DNMT3B: variants seen among roughly 807,000 people sequenced by gnomAD.
The protein encoded by DNMT3B is DNA (cytosine-5)-methyltransferase 3B.
DNMT3B carries 37 observed loss-of-function variants against 120.2 expected under a neutral mutation model. That is an observed-to-expected ratio of 0.31 (90% CI 0.24 to 0.40). The LOEUF (loss-of-function observed/expected upper bound fraction) is 0.40, where lower values mean the gene tolerates loss of function less well. Ranked by LOEUF, DNMT3B falls within the 10% of genes least tolerant of loss-of-function variation. The pLI is 1.00. For synonymous variants in DNMT3B, 412 were observed against 442.8 expected (o/e 0.93, Z 0.87); for missense variants, 878 against 1,137.3 (o/e 0.77, Z 3.28).
intron 3 of DNMT3B, among the ~76,000 whole-genome samples, chr20:32,781,862 C>T (rs1254425027): frequency 1.3e-5 from 2 of 152,134 alleles, no homozygotes; most frequent in South Asian, 2.1e-4. Flanking sequence ...CACTTGTAGC[C>T]GTCTCCGTGA....
At chr20:32,779,053 G>A (rs1388992431) in intron 1 of DNMT3B, among the ~76,000 whole-genome samples, 1 of 152,192 alleles carries the variant, frequency 6.6e-6, no homozygotes, top group East Asian at 1.9e-4. Context: ...GATGGAGCCC[G>A]AGGCAGGGAG....
chr20:32,804,766 A>G (rs1981778339), intron 20 of DNMT3B, among the ~76,000 whole-genome samples: 1 of 144,316 alleles, frequency 6.9e-6, no homozygotes, highest in African/African-American at 2.6e-5. Flanking sequence ...ATCATAACTC[A>G]CTGTAGCCTC....
chr20:32,788,972 T>C lies in DNMT3B; in HGVS notation c.773T>C (p.Met258Thr). The C allele has an allele frequency of 6.2e-7, 1 of 1,614,170 alleles. No homozygotes were observed. The highest frequency in any genetic ancestry group is 8.5e-7 in the Non-Finnish European group (1 of 1,180,032). Residue 258 changes from methionine to threonine, a missense_variant, in exon 7 of 23, where the codon ATG (methionine) becomes ACG (threonine). This residue lies in a region of DNMT3B where 50 missense variants were observed against 89.7 expected (regional missense o/e 0.56). Coordinates refer to ENST00000328111, the MANE Select transcript of DNMT3B (RefSeq NM_006892.4). ...ATSKRQAMSG[M>T]RWVQWFGDGK... ...TCCAAGCGACAGGCTATGTCTGGCA[T>C]GCGGTGGGTCCAGTGGTTTGGCGAT...
At position 32,795,545 on chromosome 20, in the gene DNMT3B, G is replaced by T; in HGVS notation, c.1252+11G>T. On this transcript the variant is annotated intron_variant, in intron 11 of 22. Transcript: ENST00000328111. Reference sequence around the variant, plus strand: ...AAGATCAGAGCCGAGGTGATTGTTGGGTACCTGGGATCATGGGACAGATGG... The same window carrying T: ...AAGATCAGAGCCGAGGTGATTGTTGTGTACCTGGGATCATGGGACAGATGG... 1 of 1,614,116 alleles carries T rather than the reference G, an allele frequency of 6.2e-7. No individual in the cohort carries two copies. The highest frequency in any genetic ancestry group is 8.5e-7 in the Non-Finnish European group (1 of 1,180,022).
At chr20:32,779,795 G>C in intron 1 of DNMT3B, 1 of 493,102 alleles carries the variant, frequency 2.0e-6, no homozygotes, top group Non-Finnish European at 3.6e-6. Context: ...GGAGAGGAGA[G>C]AAGCGGTTCT....
In DNMT3B at chr20:32,807,870, C is replaced by A. The variant is rs147402935; in HGVS notation, c.2529C>A (p.Phe843Leu). 1 of 1,614,242 alleles carries A rather than the reference C, an allele frequency of 6.2e-7. No individual in the cohort carries two copies. Among genetic ancestry groups the A allele is most frequent in the Middle Eastern group, 1.6e-4 (1 of 6,062 alleles). ...GCGTGCCTGTCATCCGACACCTCTT[C>A]GCCCCTCTGAAGGACTACTTTGCAT... ...SWSVPVIRHLFAPLKDYFACE is the reference protein window; with the variant it reads ...SWSVPVIRHLLAPLKDYFACE Residue 843 changes from phenylalanine (F) to leucine (L), a missense_variant, in exon 23 of 23, where the codon TTC (phenylalanine) becomes TTA (leucine). This residue lies in a region of DNMT3B where 334 missense variants were observed against 518.8 expected (regional missense o/e 0.64). Transcript: ENST00000328111.
chr20:32,807,726 T>A, intron 22 of DNMT3B, 36 bp from the exon 23 acceptor site: 1 of 1,613,174 alleles, frequency 6.2e-7, no homozygotes, highest in Non-Finnish European at 8.5e-7. Context: ...CTGGAGGCAC[T>A]TCTGACTTGC....
Position 32,795,676 on chromosome 20 carries a change from A to G in DNMT3B, c.1279A>G (p.Asn427Asp), listed in dbSNP as rs1264777380. The change falls in exon 12 of 23, where the codon AAC becomes GAC. Residue 427 changes from asparagine (N) to aspartate (D), a missense_variant. Physicochemically the swap from Asn to Asp is conservative, Grantham distance 23. Coordinates refer to ENST00000328111, the MANE Select transcript of DNMT3B (RefSeq NM_006892.4). ...REQMASDVANNKSSLEDGCLS... is the reference protein window; with the variant it reads ...REQMASDVANDKSSLEDGCLS... ...ACAAATGGCTTCAGATGTTGCCAAC[A>G]ACAAGAGCAGCCTGGAAGGTAACGT... 6.2e-7 allele frequency: 1 copy of G among 1,614,150 alleles called. No individual in the cohort carries two copies. Among genetic ancestry groups the G allele is most frequent in the Non-Finnish European group, 8.5e-7 (1 of 1,180,028 alleles).
In DNMT3B at chr20:32,798,278, G is replaced by A. The variant is rs76274468; in HGVS notation, c.1491-182G>A. On this transcript the variant is annotated intron_variant, in intron 14 of 22. Coordinates refer to ENST00000328111, the MANE Select transcript of DNMT3B (RefSeq NM_006892.4). ...AGCCTGTGGGATTAAGGGGGTTGGG[G>A]CATCCAAGGAAGACGTCAGGGAAGC... is the stretch of plus-strand genomic sequence containing the variant. Among the ~76,000 whole-genome samples, 1,499 of 152,320 alleles carry A rather than the reference G, an allele frequency of 9.8e-3. 27 individuals are homozygous for A. Among genetic ancestry groups the A allele is most frequent in the African/African-American group, 0.035 (1,446 of 41,572 alleles).
At chr20:32,778,205 G>A (rs547186356) in intron 1 of DNMT3B, among the ~76,000 whole-genome samples, 24 of 152,204 alleles carry the variant, frequency 1.6e-4, no homozygotes, top group Admixed American at 1.3e-4. Context: ...GCGTGGTGGC[G>A]CATGCCTGTA....
At chr20:32,778,660 C>T (rs984652331) in intron 1 of DNMT3B, among the ~76,000 whole-genome samples, 1 of 152,330 alleles carries the variant, frequency 6.6e-6, no homozygotes, top group Middle Eastern at 3.4e-3. Flanking sequence ...ATGCCAGTGG[C>T]GCCAGTGCAG....
intron 7 of DNMT3B, among the ~76,000 whole-genome samples, chr20:32,790,709 C>T (rs1406091839): frequency 6.6e-6 from 1 of 152,002 alleles, no homozygotes; most frequent in African/African-American, 2.4e-5. Flanking sequence ...TCCTCACTGT[C>T]ACCCAGGCTG....
Position 32,795,542 on chromosome 20 carries a change from T to C in DNMT3B, c.1252+8T>C, listed in dbSNP as rs1368913510. On this transcript the variant is annotated splice_region_variant and intron_variant, in intron 11 of 22. Coordinates refer to ENST00000328111, the MANE Select transcript of DNMT3B (RefSeq NM_006892.4). ...ATGAAGATCAGAGCCGAGGTGATTG[T>C]TGGGTACCTGGGATCATGGGACAGA... The C allele has an allele frequency of 3.1e-6, 5 of 1,614,034 alleles. No homozygotes were observed. Among genetic ancestry groups the C allele is most frequent in the African/African-American group, 2.7e-5 (2 of 74,920 alleles).
chr20:32,765,382 T>C (rs1987252383), intron 1 of DNMT3B, among the ~76,000 whole-genome samples: 1 of 151,844 alleles, frequency 6.6e-6, no homozygotes, highest in Non-Finnish European at 1.5e-5. Context: ...ATACAGGTAC[T>C]ATTACGTCTT....
rs1987042518 is a variant in DNMT3B at position 32,762,695 on chromosome 20, G to C, written c.-11G>C. ...CCAGCCGCGCCCCAGCCAGCCCTGC[G>C]GCAGGTGAGCGCCCCGGGGCCCCGG... On this transcript the variant is annotated 5_prime_UTR_variant, in exon 1 of 23. Transcript: ENST00000328111. The C allele has an allele frequency of 5.6e-6, 1 of 178,898 alleles. No individual in the cohort carries two copies. Among genetic ancestry groups the C allele is most frequent in the South Asian group, 1.3e-4 (1 of 7,914 alleles). 11.1% of individuals were successfully genotyped at this position (178,898 alleles called of 1,614,324 possible).
chr20:32,808,190 GC>G lies in DNMT3B; in HGVS notation c.*288del. 1 of 470,960 alleles carries G rather than the reference GC, an allele frequency of 2.1e-6. No homozygotes were observed. The allele number at this position is 470,960 out of a possible 1,614,324, so 29.2% of individuals were successfully genotyped here. ...AAAACTTGAAGTAGGTAGCAACGTG[GC>G]TTTTTTTTTTTCCCTTCCTGGGTCT... On this transcript the variant is annotated 3_prime_UTR_variant, in exon 23 of 23. Transcript: ENST00000328111.
chr20:32,789,879 A>G (rs979150226), intron 7 of DNMT3B, among the ~76,000 whole-genome samples: 1 of 152,224 alleles, frequency 6.6e-6, no homozygotes, highest in African/African-American at 2.4e-5. Context: ...GGCGGGAGCC[A>G]CCACGCCTGG....
intron 1 of DNMT3B, among the ~76,000 whole-genome samples, chr20:32,779,663 C>G (rs1379022320): frequency 6.6e-6 from 1 of 152,206 alleles, no homozygotes; most frequent in Non-Finnish European, 1.5e-5. Context: ...GTGCCTCCAT[C>G]CTTCCCTCCT....
chr20:32,793,715 C>T lies in DNMT3B; in HGVS notation c.1126+120C>T, dbSNP rs565457495. ...TTCTTGAAAAGTCAATCTGAACTCC[C>T]TCCCCACTCTCCCCTCACATCCCAC... is the stretch of plus-strand genomic sequence containing the variant. On this transcript the variant is annotated intron_variant, in intron 10 of 22. Coordinates refer to ENST00000328111, the MANE Select transcript of DNMT3B (RefSeq NM_006892.4). 1.1e-5 allele frequency: 12 copies of T among 1,052,810 alleles called. No homozygotes were observed. The East Asian group carries it at 2.3e-4, about 20-fold the overall frequency. The allele number at this position is 1,052,810 out of a possible 1,614,324, so 65.2% of individuals were successfully genotyped here.
Sources: allele counts gnomAD v4.1 joint callset (sites outside exome capture counted in the v4.1 genomes callset), GRCh38; gene constraint gnomAD v4.1.1; regional missense constraint gnomAD v4.1.1; transcripts MANE v1.5; gene names NCBI Gene and HGNC (gene_info 2026-07-23, HGNC 2026-07-21).